Variants in TMEM117 observed in about 807,000 individuals in gnomAD.
TMEM117 encodes transmembrane protein 117.
A neutral mutation model predicts 52.4 loss-of-function variants in TMEM117; 27 were observed. The ratio of observed to expected loss-of-function variants is 0.51; its 90% confidence interval spans 0.38 to 0.71. TMEM117 has a LOEUF of 0.71. Among genes scored for constraint, TMEM117 ranks in the 30% least tolerant of loss-of-function variants. The pLI, the probability that TMEM117 is intolerant of heterozygous loss-of-function variation, is 0.00. For synonymous variants in TMEM117, 215 were observed against 206.3 expected, an observed-to-expected ratio of 1.04 and a Z score of -0.36; for missense variants, 556 against 630.5, an observed-to-expected ratio of 0.88 and a Z score of 1.26.
At chr12:44,031,373 G>T (rs1171684407) in intron 3 of TMEM117, among the ~76,000 whole-genome samples, 1 of 152,182 alleles carries the variant, frequency 6.6e-6, no homozygotes, top group Non-Finnish European at 1.5e-5. Context: ...ACAGACAACT[G>T]TGTTGTCTTG....
At chr12:43,977,536 A>G (rs931543371) in intron 3 of TMEM117, among the ~76,000 whole-genome samples, 2 of 152,204 alleles carry the variant, frequency 1.3e-5, no homozygotes, top group Non-Finnish European at 2.9e-5. Context: ...GAGAGGTTTT[A>G]GCAAAGTGCT....
At chr12:43,964,133 A>G in intron 3 of TMEM117, among the ~76,000 whole-genome samples, 1 of 152,130 alleles carries the variant, frequency 6.6e-6, no homozygotes, top group East Asian at 1.9e-4. Context: ...CTCTGGGATC[A>G]AGGCTGAAAT....
chr12:43,810,216 C>A, the TMEM117 span, among the ~76,000 whole-genome samples: 1 of 152,134 alleles, frequency 6.6e-6, no homozygotes, highest in Non-Finnish European at 1.5e-5. Flanking sequence ...GCCTTAGCAA[C>A]AGCATCTTGA....
intron 2 of TMEM117, among the ~76,000 whole-genome samples, chr12:43,883,770 A>C (rs1943939673): frequency 6.6e-6 from 1 of 151,244 alleles, no homozygotes; most frequent in African/African-American, 2.4e-5. Flanking sequence ...ACAAAAAAAA[A>C]AACAAAAAAC....
At chr12:44,154,408 G>T (rs1948797386) in intron 4 of TMEM117, among the ~76,000 whole-genome samples, 1 of 152,146 alleles carries the variant, frequency 6.6e-6, no homozygotes, top group South Asian at 2.1e-4. Context: ...ATGCCTATGA[G>T]TCAAGTGAGT....
At chr12:44,374,177 A>G (rs1951906045) in intron 6 of TMEM117, among the ~76,000 whole-genome samples, 1 of 152,154 alleles carries the variant, frequency 6.6e-6, no homozygotes, top group Non-Finnish European at 1.5e-5. Context: ...ATTAGGCCAG[A>G]GTTTACACTC....
At chr12:44,261,535 T>A (rs1265493015) in intron 5 of TMEM117, among the ~76,000 whole-genome samples, 3 of 152,100 alleles carry the variant, frequency 2.0e-5, no homozygotes, top group East Asian at 1.9e-4. Context: ...GTTTATATTT[T>A]AAAAAAACTT....
chr12:44,257,877 A>G (rs951496006), intron 5 of TMEM117, among the ~76,000 whole-genome samples: 1 of 152,150 alleles, frequency 6.6e-6, no homozygotes, highest in South Asian at 2.1e-4. Context: ...GGATTTTGCC[A>G]GAATTATTTT....
chr12:43,923,111 T>G (rs940038541), intron 2 of TMEM117, among the ~76,000 whole-genome samples: 1 of 152,154 alleles, frequency 6.6e-6, no homozygotes, highest in African/African-American at 2.4e-5. Flanking sequence ...ATATGCCAAA[T>G]TTATTCTTTC....
At chr12:44,215,837 C>T (rs1003494931) in intron 5 of TMEM117, among the ~76,000 whole-genome samples, 2 of 151,908 alleles carry the variant, frequency 1.3e-5, no homozygotes, top group African/African-American at 4.8e-5. Context: ...TCCAGGTCTT[C>T]ACCTTCCAGA....
chr12:43,970,401 G>A (rs1945562732), intron 3 of TMEM117, among the ~76,000 whole-genome samples: 2 of 151,902 alleles, frequency 1.3e-5, no homozygotes, highest in Non-Finnish European at 2.9e-5. Context: ...CCATTCTCCT[G>A]CCTCAGCCTC....
rs557700665 is a variant in TMEM117 at position 44,233,735 on chromosome 12, T to C, written c.608+22348T>C. Among the ~76,000 whole-genome samples the C allele has an allele frequency of 1.0e-3, 158 of 151,592 alleles. 2 individuals carry two copies. In the Middle Eastern group the frequency reaches 0.017, roughly 16 times the overall value. ...GTGGCATTTTCTTTTCCACGTGATA[T>C]TATATTGCCAAATTTTATCACATTA... is the stretch of plus-strand genomic sequence containing the variant. On this transcript the variant is annotated intron_variant, in intron 5 of 7. Transcript: ENST00000266534.
intron 3 of TMEM117, among the ~76,000 whole-genome samples, chr12:44,094,476 T>G (rs1947724505): frequency 6.6e-6 from 1 of 152,084 alleles, no homozygotes; most frequent in Non-Finnish European, 1.5e-5. Context: ...GCTTTCTGAT[T>G]ATATTGAAAG....
the TMEM117 span, among the ~76,000 whole-genome samples, chr12:43,820,104 TTTTTG>T: frequency 3.7e-5 from 5 of 133,508 alleles, no homozygotes; most frequent in East Asian, 8.6e-4. Context: ...GGTGTATTTT[TTTTTG>T]TTTTTGTTTT....
At chr12:43,927,877 C>A (rs1161533201) in intron 2 of TMEM117, among the ~76,000 whole-genome samples, 1 of 151,922 alleles carries the variant, frequency 6.6e-6, no homozygotes, top group African/African-American at 2.4e-5. Context: ...CAATTATTGT[C>A]TTTTAACTGG....
At chr12:44,190,004 TAAG>T (rs1949329853) in intron 4 of TMEM117, among the ~76,000 whole-genome samples, 1 of 152,156 alleles carries the variant, frequency 6.6e-6, no homozygotes, top group East Asian at 1.9e-4. Context: ...CTCAATTAAG[TAAG>T]AAGAGATGAC....
intron 3 of TMEM117, among the ~76,000 whole-genome samples, chr12:44,060,658 A>T (rs1462221934): frequency 6.6e-6 from 1 of 152,202 alleles, no homozygotes; most frequent in Non-Finnish European, 1.5e-5. Context: ...GGTTTCAGAC[A>T]CAAGATTTAT....
chr12:44,336,663 AG>A (rs1249282853), intron 6 of TMEM117, among the ~76,000 whole-genome samples: 1 of 152,020 alleles, frequency 6.6e-6, no homozygotes, highest in Non-Finnish European at 1.5e-5. Context: ...GCATTGGAAA[AG>A]TGCCTGAAGG....
chr12:44,289,992 C>T (rs752977674), intron 5 of TMEM117, among the ~76,000 whole-genome samples: 11 of 152,122 alleles, frequency 7.2e-5, no homozygotes, highest in Admixed American at 3.3e-4. Context: ...ACCTGTTGGG[C>T]ATTTGTATGT....
Sources: allele counts gnomAD v4.1 joint callset (sites outside exome capture counted in the v4.1 genomes callset), GRCh38; gene constraint gnomAD v4.1.1; transcripts MANE v1.5; gene names NCBI Gene and HGNC (gene_info 2026-07-23, HGNC 2026-07-21).